Variants in FER observed in about 807,000 individuals in gnomAD.
The protein encoded by FER is FER tyrosine kinase.
FER carries 63 observed loss-of-function variants against 111.0 expected under a neutral mutation model. That is an observed-to-expected ratio of 0.57 (90% CI 0.46 to 0.70). The LOEUF (loss-of-function observed/expected upper bound fraction) is 0.70. Ranked by LOEUF, FER falls within the 30% of genes least tolerant of loss-of-function variation. FER has a pLI of 0.00. For missense variants in FER, 914 were observed against 954.0 expected, an observed-to-expected ratio of 0.96 and a Z score of 0.55; for synonymous variants, 327 against 313.9, an observed-to-expected ratio of 1.04 and a Z score of -0.44.
At chr5:109,039,797 A>G (rs767390388) in intron 14 of FER, among the ~76,000 whole-genome samples, 1 of 152,112 alleles carries the variant, frequency 6.6e-6, no homozygotes. Context: ...GTCATTGTAT[A>G]ACTTTGGCTT....
At chr5:108,994,041 A>G (rs1354899282) in intron 13 of FER, among the ~76,000 whole-genome samples, 1 of 152,196 alleles carries the variant, frequency 6.6e-6, no homozygotes, top group African/African-American at 2.4e-5. Context: ...TCAGATGGAT[A>G]GATTGCAAAA....
chr5:109,027,359 A>G (rs2149848113), intron 13 of FER, among the ~76,000 whole-genome samples: 1 of 152,228 alleles, frequency 6.6e-6, no homozygotes, highest in Non-Finnish European at 1.5e-5. Context: ...AAAATGTTGA[A>G]TTAAAAATAT....
chr5:108,891,126 A>G (rs958800734), intron 9 of FER, among the ~76,000 whole-genome samples: 1 of 152,080 alleles, frequency 6.6e-6, no homozygotes, highest in Non-Finnish European at 1.5e-5. Flanking sequence ...CTAATGAATG[A>G]TGTTCTGGAA....
intron 13 of FER, among the ~76,000 whole-genome samples, chr5:109,022,897 AG>A (rs1768120682): frequency 6.6e-6 from 1 of 152,188 alleles, no homozygotes; most frequent in Non-Finnish European, 1.5e-5. Flanking sequence ...TGCAGGGACT[AG>A]ATTATGCCCT....
chr5:108,877,584 G>A (rs1375859781), intron 8 of FER, among the ~76,000 whole-genome samples: 1 of 152,200 alleles, frequency 6.6e-6, no homozygotes, highest in Non-Finnish European at 1.5e-5. Context: ...TTTTAAGAAA[G>A]AGATGGCAAG....
intron 14 of FER, among the ~76,000 whole-genome samples, chr5:109,042,225 A>G (rs1230279191): frequency 6.6e-6 from 1 of 152,184 alleles, no homozygotes; most frequent in African/African-American, 2.4e-5. Context: ...GTCAAGGGGC[A>G]TAAGATTTGT....
At chr5:108,765,804 T>A (rs913478068) in intron 1 of FER, among the ~76,000 whole-genome samples, 1 of 152,176 alleles carries the variant, frequency 6.6e-6, no homozygotes, top group Non-Finnish European at 1.5e-5. Context: ...TGGAGTGGAA[T>A]TGGATACATA....
intron 2 of FER, among the ~76,000 whole-genome samples, chr5:108,781,397 G>A (rs1754058637): frequency 6.6e-6 from 1 of 152,144 alleles, no homozygotes; most frequent in African/African-American, 2.4e-5. Flanking sequence ...TCACCATGTT[G>A]GCCAGGCTGG....
At position 108,915,091 on chromosome 5, in the gene FER, G is replaced by A. The variant is rs181842538; in HGVS notation, c.1236+17243G>A. Among the ~76,000 whole-genome samples, 487 of 152,296 alleles carry A rather than the reference G, an allele frequency of 3.2e-3. 2 individuals are homozygous for A. The highest frequency in any genetic ancestry group is 5.6e-3 in the Non-Finnish European group (381 of 68,016). On this transcript the variant is annotated intron_variant, in intron 10 of 19. Coordinates refer to ENST00000281092, the MANE Select transcript of FER (RefSeq NM_005246.4). ...CAAAGGACTAAGAAGGTTAGGTAGAGATGGAATCCAGTTGGTAAGAAAAAG... is the reference window on the plus strand; with the variant it reads ...CAAAGGACTAAGAAGGTTAGGTAGAAATGGAATCCAGTTGGTAAGAAAAAG...
At chr5:109,149,812 A>G (rs1754623974) in intron 17 of FER, among the ~76,000 whole-genome samples, 2 of 152,320 alleles carry the variant, frequency 1.3e-5, no homozygotes, top group East Asian at 3.9e-4. Context: ...GTTACTTCAC[A>G]GAACTCAGAA....
intron 18 of FER, among the ~76,000 whole-genome samples, chr5:109,185,639 A>G (rs547360213): frequency 6.6e-6 from 1 of 151,990 alleles, no homozygotes; most frequent in South Asian, 2.1e-4. Context: ...TCTTGGGGGG[A>G]GGGAGAGTGA....
Position 108,946,207 on chromosome 5 carries a change from A to G in FER, c.1314A>G (p.Ala438=). 1 of 1,611,612 alleles carries G rather than the reference A, an allele frequency of 6.2e-7. No homozygotes were observed. The highest frequency in any genetic ancestry group is 2.2e-5 in the East Asian group (1 of 44,740). ...IAGIIRSPKS[A]LGSSALSDMI... The stretch of plus-strand genomic sequence containing the variant: ...GAATAATTAGGTCTCCAAAATCTGC[A>G]CTGGGCTCTTCAGCAGTAAGTAGGA... Residue 438 remains alanine (A), a synonymous_variant, in exon 11 of 20, where the codon GCA becomes GCG. Coordinates refer to ENST00000281092, the MANE Select transcript of FER (RefSeq NM_005246.4).
intron 16 of FER, among the ~76,000 whole-genome samples, chr5:109,068,392 C>T (rs1775379811): frequency 6.6e-6 from 1 of 152,118 alleles, no homozygotes; most frequent in African/African-American, 2.4e-5. Flanking sequence ...CCATATTGGC[C>T]AGGCTGGTAT....
chr5:109,030,880 A>G (rs1000845638), intron 13 of FER, among the ~76,000 whole-genome samples: 4 of 152,082 alleles, frequency 2.6e-5, no homozygotes, highest in African/African-American at 7.2e-5. Context: ...TGCCAATGCA[A>G]CTGAGCTGCC....
intron 12 of FER, among the ~76,000 whole-genome samples, chr5:108,957,040 TA>T (rs1758516934): frequency 6.6e-6 from 1 of 151,608 alleles, no homozygotes; most frequent in African/African-American, 2.4e-5. Flanking sequence ...AGTTGATCAA[TA>T]AAAAGAGCAC....
At chr5:109,004,947 A>C (rs1765302598) in intron 13 of FER, among the ~76,000 whole-genome samples, 1 of 152,094 alleles carries the variant, frequency 6.6e-6, no homozygotes, top group Non-Finnish European at 1.5e-5. Flanking sequence ...TTTTTTAATA[A>C]AAAGAACTAC....
At chr5:108,864,111 A>G (rs1382655260) in intron 5 of FER, among the ~76,000 whole-genome samples, 1 of 152,228 alleles carries the variant, frequency 6.6e-6, no homozygotes, top group Non-Finnish European at 1.5e-5. Flanking sequence ...AAAAACTTGG[A>G]CAGTTATTAA....
chr5:108,866,587 A>G (rs1484916522), intron 5 of FER, among the ~76,000 whole-genome samples: 1 of 152,166 alleles, frequency 6.6e-6, no homozygotes, highest in Non-Finnish European at 1.5e-5. Flanking sequence ...AAGTATTAAA[A>G]AAAAAAAGAA....
intron 14 of FER, among the ~76,000 whole-genome samples, 185 bp from the exon 15 acceptor site, chr5:109,044,495 A>G (rs1335642312): frequency 1.3e-5 from 2 of 152,140 alleles, no homozygotes; most frequent in African/African-American, 2.4e-5. Flanking sequence ...GAGGCATTTT[A>G]TACCACAATA....
Sources: allele counts gnomAD v4.1 joint callset (sites outside exome capture counted in the v4.1 genomes callset), GRCh38; gene constraint gnomAD v4.1.1; transcripts MANE v1.5; gene names NCBI Gene and HGNC (gene_info 2026-07-23, HGNC 2026-07-21).